ZMYND8: variants seen among roughly 807,000 people sequenced by gnomAD.
ZMYND8 encodes zinc finger MYND-type containing 8, also known as MYND-type zinc finger-containing chromatin reader ZMYND8.
Under a neutral mutation model 140.8 loss-of-function variants are expected in ZMYND8, and 37 were observed. That is an observed-to-expected ratio of 0.26 (90% confidence interval 0.20 to 0.35). ZMYND8 has a LOEUF of 0.35. Among genes scored for constraint, ZMYND8 ranks in the 10% least tolerant of loss-of-function variants. ZMYND8 has a pLI of 1.00. For missense variants in ZMYND8, 1,068 were observed against 1,570.0 expected (o/e 0.68, Z 5.40); for synonymous variants, 592 against 597.1 (o/e 0.99, Z 0.12).
chr20:47,304,397 C>T (rs891044083), intron 3 of ZMYND8, among the ~76,000 whole-genome samples: 1 of 152,236 alleles, frequency 6.6e-6, no homozygotes, highest in Non-Finnish European at 1.5e-5. Context: ...AATTTGGCCA[C>T]TGTAGGGCAA....
intron 12 of ZMYND8, among the ~76,000 whole-genome samples, chr20:47,253,118 C>T (rs191381104): frequency 7.5e-4 from 115 of 152,356 alleles, no homozygotes; most frequent in Middle Eastern, 3.4e-3. Flanking sequence ...AGTCCAGTGA[C>T]TGCCAACCCT....
intron 16 of ZMYND8, among the ~76,000 whole-genome samples, chr20:47,234,262 T>C (rs927311187): frequency 3.9e-5 from 6 of 152,252 alleles, no homozygotes; most frequent in African/African-American, 1.2e-4. Flanking sequence ...TTGCCCAGGC[T>C]GGTCCTGAAC....
chr20:47,228,152 T>C (rs993378956), intron 17 of ZMYND8, among the ~76,000 whole-genome samples: 3 of 152,072 alleles, frequency 2.0e-5, no homozygotes, highest in Non-Finnish European at 4.4e-5. Context: ...ATTATCGCAG[T>C]AGTTCTTAAC....
intron 13 of ZMYND8, among the ~76,000 whole-genome samples, 177 bp downstream of exon 13, chr20:47,249,110 G>T (rs1297763984): frequency 1.3e-5 from 2 of 152,156 alleles, no homozygotes; most frequent in African/African-American, 4.8e-5. Context: ...GAATTAACTA[G>T]CAAGTCTGAA....
intron 21 of ZMYND8, among the ~76,000 whole-genome samples, chr20:47,219,055 A>ATTTTTTTTTTTT (rs3092175): frequency 0.037 from 4,090 of 110,460 alleles, 287 homozygotes; most frequent in Non-Finnish European, 0.06. Context: ...CGTTTCTACA[A>ATTTTTTTTTTTT]TTTTTTTTTT....
rs946062017 is a variant in ZMYND8 at position 47,271,773 on chromosome 20, C to A, written c.1480+4541G>T. ...TCAAGCTCACTGCAACCTCCACCTC[C>A]CGGGTTCAAGTGATTCTCCTGCCTC... is the stretch of plus-strand genomic sequence containing the variant. On this transcript the variant is annotated intron_variant, in intron 11 of 22. Coordinates refer to ENST00000471951, the MANE Select transcript of ZMYND8 (RefSeq NM_001281775.3). 2.6e-5 allele frequency among the ~76,000 whole-genome samples: 4 copies of A among 152,132 alleles called. No individual in the cohort carries two copies. The South Asian group carries it at 6.2e-4, about 24-fold the overall frequency.
At chr20:47,247,429 G>T (rs1034710118) in intron 13 of ZMYND8, among the ~76,000 whole-genome samples, 1 of 152,250 alleles carries the variant, frequency 6.6e-6, no homozygotes, top group Admixed American at 6.5e-5. Context: ...AAGGAGTCAA[G>T]AGAGAAGTCA....
At chr20:47,313,362 C>T (rs536738422) in intron 2 of ZMYND8, among the ~76,000 whole-genome samples, 47 of 152,272 alleles carry the variant, frequency 3.1e-4, no homozygotes, top group African/African-American at 1.1e-3. Flanking sequence ...GTGGCTCACG[C>T]CTGTAATCCC....
chr20:47,286,135 A>C (rs1410392873), intron 8 of ZMYND8, among the ~76,000 whole-genome samples: 1 of 151,958 alleles, frequency 6.6e-6, no homozygotes, highest in Non-Finnish European at 1.5e-5. Context: ...AAAAATACAT[A>C]GATAACTATA....
intron 1 of ZMYND8, 139 bp downstream of exon 1, chr20:47,356,514 TTCTC>T: frequency 1.2e-6 from 2 of 1,605,758 alleles, no homozygotes; most frequent in Non-Finnish European, 1.7e-6. Context: ...AGCAAAAAAA[TTCTC>T]TCTAAACAGT....
chr20:47,255,697 A>G (rs1259619310), intron 12 of ZMYND8, among the ~76,000 whole-genome samples: 3 of 129,008 alleles, frequency 2.3e-5, no homozygotes, highest in African/African-American at 6.0e-5. Flanking sequence ...GTGTATATAT[A>G]TATATATATA....
chr20:47,234,438 G>A (rs1398102665), intron 16 of ZMYND8, among the ~76,000 whole-genome samples: 1 of 152,246 alleles, frequency 6.6e-6, no homozygotes, highest in African/African-American at 2.4e-5. Context: ...TTGCCCTCAA[G>A]AAGTGAATCT....
intron 16 of ZMYND8, among the ~76,000 whole-genome samples, chr20:47,230,542 C>T (rs1461529618): frequency 6.6e-6 from 1 of 152,056 alleles, no homozygotes. Context: ...AATCCACCCA[C>T]CTCGGCCTCC....
At chr20:47,285,549 A>T in intron 8 of ZMYND8, 1 of 430,044 alleles carries the variant, frequency 2.3e-6, no homozygotes, top group Non-Finnish European at 3.1e-6. Flanking sequence ...ACATATTTAC[A>T]TATAGTTTTG....
At chr20:47,224,156 A>G (rs1600964024) in intron 19 of ZMYND8, among the ~76,000 whole-genome samples, 161 bp downstream of exon 19, 1 of 152,248 alleles carries the variant, frequency 6.6e-6, no homozygotes, top group South Asian at 2.1e-4. Context: ...GTGCCTGCAC[A>G]CTGCTCACCT....
chr20:47,345,141 CGTT>C (rs1451386599), intron 2 of ZMYND8, among the ~76,000 whole-genome samples: 2 of 152,042 alleles, frequency 1.3e-5, no homozygotes, highest in Admixed American at 1.3e-4. Context: ...TGCAGTGAGA[CGTT>C]GTCTTTTATA....
At chr20:47,242,112 C>T (rs1205458603) in intron 14 of ZMYND8, among the ~76,000 whole-genome samples, 1 of 152,204 alleles carries the variant, frequency 6.6e-6, no homozygotes, top group Non-Finnish European at 1.5e-5. Context: ...CCGCTGCGCC[C>T]GGCCTATGTC....
At chr20:47,233,879 T>C (rs1206910672) in intron 16 of ZMYND8, among the ~76,000 whole-genome samples, 1 of 152,204 alleles carries the variant, frequency 6.6e-6, no homozygotes, top group Non-Finnish European at 1.5e-5. Context: ...GTAGGCAAAC[T>C]CTAAGTGGGC....
rs917058781 is a variant in ZMYND8, at chr20:47,272,147, G to A, written c.1480+4167C>T. Among the ~76,000 whole-genome samples the A allele has an allele frequency of 9.9e-5, 15 of 150,916 alleles. No homozygotes were observed. In the East Asian group the frequency reaches 1.2e-3, roughly 12 times the overall value. ...GGCTGGAGTGCAGTGGTGCGATCTCGGCTCACTGCAAGCTCTGCCTCCCGG... is the reference window on the plus strand; with the variant it reads ...GGCTGGAGTGCAGTGGTGCGATCTCAGCTCACTGCAAGCTCTGCCTCCCGG... On this transcript the variant is annotated intron_variant, in intron 11 of 22. Transcript: ENST00000471951.
Sources: gnomAD v4.1 joint callset for allele counts (sites outside exome capture counted in the v4.1 genomes callset) on GRCh38, gnomAD v4.1.1 for gene constraint, MANE v1.5 for transcripts, NCBI Gene and HGNC (gene_info 2026-07-23, HGNC 2026-07-21) for gene names.